MFSD2A: variants seen among roughly 807,000 people sequenced by gnomAD.
MFSD2A encodes the protein sodium-dependent lysophosphatidylcholine symporter 1.
A neutral mutation model predicts 64.7 loss-of-function variants in MFSD2A; 27 were observed. The ratio of observed to expected loss-of-function variants is 0.42; its 90% CI spans 0.31 to 0.58. The LOEUF is 0.58. MFSD2A is among the 20% of genes least tolerant of loss of function. The probability of loss-of-function intolerance (pLI) is 0.18; values close to 1 mark genes in which losing one functional copy is unlikely to be tolerated. For missense variants in MFSD2A, 474 were observed against 679.5 expected (o/e 0.70, Z 3.36); for synonymous variants, 258 against 273.4 (o/e 0.94, Z 0.55).
chr1:39,969,683 A>C lies in MFSD2A; in HGVS notation c.*115A>C. 18 of 1,043,916 alleles carry C rather than the reference A, an allele frequency of 1.7e-5. No individual in the cohort carries two copies. Among genetic ancestry groups the C allele is most frequent in the Non-Finnish European group, 2.5e-5 (18 of 707,388 alleles). 64.7% of individuals were successfully genotyped at this position (1,043,916 alleles called of 1,614,324 possible). On this transcript the variant is annotated 3_prime_UTR_variant, in exon 14 of 14. Transcript: ENST00000372811. ...GTGCTAGGAAGGGAACTGAAGACTC[A>C]AGGAGGTGGCCCAGGACACTTGCTG...
Position 39,955,334 on chromosome 1 carries a change from G to T in MFSD2A, c.42G>T (p.Gly14=). The change falls in exon 1 of 14, where the codon GGG becomes GGT. Residue 14 remains glycine (G), a synonymous_variant. Coordinates refer to ENST00000372811, the MANE Select transcript of MFSD2A (RefSeq NM_032793.5). The surrounding 1 kb of genome is among the most constrained non-coding windows in gnomAD (Gnocchi z 5.9). ...GEGAESGSAA[G]LLPTSILQST... The stretch of plus-strand genomic sequence containing the variant: ...GCGCCGAGAGCGGCTCCGCGGCGGG[G>T]CTGCTACCCACCAGCATCCTCCAAA... 2 of 1,450,040 alleles carry T rather than the reference G, an allele frequency of 1.4e-6. No individual in the cohort carries two copies. The highest frequency in any genetic ancestry group is 1.5e-5 in the African/African-American group (1 of 68,674). 89.8% of individuals were successfully genotyped at this position (1,450,040 alleles called of 1,614,324 possible).
rs1401183468 is a variant in MFSD2A at position 39,960,527 on chromosome 1, C to T, written c.353+1702C>T. Among the ~76,000 whole-genome samples, 5 of 152,246 alleles carry T rather than the reference C, an allele frequency of 3.3e-5. No homozygotes were observed. Among genetic ancestry groups the T allele is most frequent in the Non-Finnish European group, 7.3e-5 (5 of 68,046 alleles). On this transcript the variant is annotated intron_variant, in intron 3 of 13. Coordinates refer to ENST00000372811, the MANE Select transcript of MFSD2A (RefSeq NM_032793.5). This position sits in a 1 kb window ranked among gnomAD's most constrained non-coding sequence, Gnocchi z 4.8. ...CCAGCCCGTGAGACTTGGCCCTGTGCCCGCCTCCCTGGCAGCCAGTAGAAG... is the reference window on the plus strand; with the variant it reads ...CCAGCCCGTGAGACTTGGCCCTGTGTCCGCCTCCCTGGCAGCCAGTAGAAG...
intron 2 of MFSD2A, 70 bp downstream of exon 2, chr1:39,957,291 AG>A: frequency 7.0e-7 from 1 of 1,438,380 alleles, no homozygotes; most frequent in Non-Finnish European, 9.3e-7. Context: ...CCCCTGGGTC[AG>A]TTCGCTCAGT....
At position 39,958,626 on chromosome 1, in the gene MFSD2A, C is replaced by T. The variant is rs187394479; in HGVS notation, c.229-75C>T. The T allele has an allele frequency of 1.1e-3, 1,777 of 1,613,736 alleles. 1 individual carries two copies. The highest frequency in any genetic ancestry group is 1.3e-3 in the Non-Finnish European group (1,581 of 1,179,732). ...CCTGGCTGAGATAGGGAGGGAGCCT[C>T]TGCTTCTGCCTACCAGTGAGAGTTG... is the stretch of plus-strand genomic sequence containing the variant. On this transcript the variant is annotated intron_variant, in intron 2 of 13. Coordinates refer to ENST00000372811, the MANE Select transcript of MFSD2A (RefSeq NM_032793.5). This position sits in a 1 kb window ranked among gnomAD's most constrained non-coding sequence, Gnocchi z 4.7.
At position 39,966,866 on chromosome 1, in the gene MFSD2A, G is replaced by C; in HGVS notation, c.861G>C (p.Leu287=). 1 of 1,613,948 alleles carries C rather than the reference G, an allele frequency of 6.2e-7. No homozygotes were observed. The highest frequency in any genetic ancestry group is 1.1e-5 in the South Asian group (1 of 91,076). ...TCGCCTACTTCCGGGGCCTACGGCT[G>C]GTCATGAGCCACGGCCCATACATCA... ...EPIAYFRGLR[L]VMSHGPYIKL... The change falls in exon 8 of 14, where the codon CTG becomes CTC. Residue 287 remains leucine, a synonymous_variant. Coordinates refer to ENST00000372811, the MANE Select transcript of MFSD2A (RefSeq NM_032793.5).
rs1645128131 is a variant in MFSD2A, at chr1:39,965,132, T to C, written c.354-79T>C. On this transcript the variant is annotated intron_variant, in intron 3 of 13. Transcript: ENST00000372811. The surrounding 1 kb of genome is among the most constrained non-coding windows in gnomAD (Gnocchi z 5.5). ...TTAGCTTCCTTCCCTGTGGGGACCC[T>C]GTGAGGCACAGCAGACTGGGCTGGG... The C allele has an allele frequency of 6.3e-7, 1 of 1,585,842 alleles. No homozygotes were observed. Among genetic ancestry groups the C allele is most frequent in the Non-Finnish European group, 8.6e-7 (1 of 1,162,486 alleles).
intron 13 of MFSD2A, 49 bp from the exon 14 acceptor site, chr1:39,969,456 G>T (rs373713782): frequency 3.7e-5 from 56 of 1,531,310 alleles, no homozygotes; most frequent in Non-Finnish European, 4.8e-5. Flanking sequence ...GGGCTGAGGA[G>T]GGGTAAGGAT....
In MFSD2A at chr1:39,962,972, G is replaced by A. The variant is rs1047126059; in HGVS notation, c.354-2239G>A. The A allele has an allele frequency of 3.4e-5, 52 of 1,541,380 alleles. 3 individuals are homozygous for A. In the South Asian group the frequency reaches 5.4e-4, roughly 16 times the overall value. On this transcript the variant is annotated intron_variant, in intron 3 of 13. Transcript: ENST00000372811. ...ATGGCCATGTCGGTCTGGGTGTTAAGTGCTCCAAGGAGGTGGCCACCGCCA... is the reference window on the plus strand; with the variant it reads ...ATGGCCATGTCGGTCTGGGTGTTAAATGCTCCAAGGAGGTGGCCACCGCCA...
intron 1 of MFSD2A, among the ~76,000 whole-genome samples, chr1:39,956,626 A>G (rs79166236): frequency 0.01 from 1,525 of 152,242 alleles, 35 homozygotes; most frequent in African/African-American, 0.035. Flanking sequence ...CTTAGGGGCT[A>G]CTTTCACACA....
At chr1:39,961,695 A>G (rs1645048357) in intron 3 of MFSD2A, among the ~76,000 whole-genome samples, 1 of 150,982 alleles carries the variant, frequency 6.6e-6, no homozygotes, top group African/African-American at 2.4e-5. Flanking sequence ...ACACATATAT[A>G]GAGATGGGGT....
At chr1:39,969,237 GA>G (rs1645230999) in intron 13 of MFSD2A, among the ~76,000 whole-genome samples, 1 of 152,194 alleles carries the variant, frequency 6.6e-6, no homozygotes, top group Admixed American at 6.5e-5. Flanking sequence ...TGCATCTGGG[GA>G]AACCAGTGGG....
Position 39,965,376 on chromosome 1 carries a change from A to G in MFSD2A, c.477+42A>G. On this transcript the variant is annotated intron_variant, in intron 4 of 13. Coordinates refer to ENST00000372811, the MANE Select transcript of MFSD2A (RefSeq NM_032793.5). The surrounding 1 kb of genome is among the most constrained non-coding windows in gnomAD (Gnocchi z 5.5). ...CCCTTGGGTGTCTCTAGGGGCCGGG[A>G]GGAGGGCGGTCCTTGGGGCCCCCAG... 1 of 1,613,478 alleles carries G rather than the reference A, an allele frequency of 6.2e-7. No individual in the cohort carries two copies. The highest frequency in any genetic ancestry group is 1.3e-5 in the African/African-American group (1 of 74,918).
rs757547777 is a variant in MFSD2A at position 39,957,138 on chromosome 1, T to C, written c.145T>C (p.Tyr49His). 3 of 1,614,122 alleles carry C rather than the reference T, an allele frequency of 1.9e-6. No homozygotes were observed. The highest frequency in any genetic ancestry group is 2.5e-6 in the Non-Finnish European group (3 of 1,180,002). Residue 49 changes from tyrosine (Y) to histidine (H), a missense_variant, in exon 2 of 14, where the codon TAT becomes CAT. Tyr to His is a moderately conservative substitution (Grantham distance 83, BLOSUM62 2). Transcript: ENST00000372811. The part of the protein sequence containing the change: ...QQLSVCNKLC[Y>H]ALGGAPYQVT... ...GTTGTCTGTTTGCAACAAGCTTTGC[T>C]ATGCACTTGGGGGAGCCCCCTACCA...
chr1:39,969,578 C>T lies in MFSD2A; in HGVS notation c.*10C>T, dbSNP rs372966470. ...GGCTAGCATCCTCTAGGGCCCGCCA[C>T]GTTGCCCGAAGCCACCATGCAGAAG... On this transcript the variant is annotated 3_prime_UTR_variant, in exon 14 of 14. Coordinates refer to ENST00000372811, the MANE Select transcript of MFSD2A (RefSeq NM_032793.5). 3.7e-6 allele frequency: 6 copies of T among 1,608,692 alleles called. No individual in the cohort carries two copies. Among genetic ancestry groups the T allele is most frequent in the African/African-American group, 2.7e-5 (2 of 74,512 alleles).
rs752205661 is a variant in MFSD2A, at chr1:39,966,814, C to T, written c.809C>T (p.Pro270Leu). ...CACTGTCCGCTCTGGCCCCCAGAAC[C>T]CTATGAAGCCCAGCAGTCTGAGCCA... is the stretch of plus-strand genomic sequence containing the variant. ...LILGVREQRE[P>L]YEAQQSEPIA... The change falls in exon 8 of 14, where the codon CCC becomes CTC. Residue 270 changes from proline (P) to leucine (L), a missense_variant. Transcript: ENST00000372811. The T allele has an allele frequency of 2.5e-6, 4 of 1,613,940 alleles. No homozygotes were observed. In the African/African-American group the frequency reaches 4.0e-5, roughly 16 times the overall value.
At chr1:39,962,625 G>T in intron 3 of MFSD2A, 3 of 827,314 alleles carry the variant, frequency 3.6e-6, no homozygotes, top group Non-Finnish European at 6.0e-6. Flanking sequence ...TGCCTTCCGC[G>T]GAGGTTTCGG....
Position 39,968,112 on chromosome 1 carries a change from G to C in MFSD2A, c.1208+196G>C. On this transcript the variant is annotated intron_variant, in intron 11 of 13. Coordinates refer to ENST00000372811, the MANE Select transcript of MFSD2A (RefSeq NM_032793.5). This position sits in a 1 kb window ranked among gnomAD's most constrained non-coding sequence, Gnocchi z 4.4. The stretch of plus-strand genomic sequence containing the variant: ...GAACACCTAGTCAGAGTGAAAAATG[G>C]GGGCTGTAATCTGGCCTGGGCTCCA... 1.5e-6 allele frequency: 1 copy of C among 650,880 alleles called. No individual in the cohort carries two copies. Among genetic ancestry groups the C allele is most frequent in the Non-Finnish European group, 2.6e-6 (1 of 382,296 alleles). The allele number at this position is 650,880 out of a possible 1,614,324, so 40.3% of individuals were successfully genotyped here. A position where few individuals can be genotyped will look rare whatever the true frequency, so the allele number is the denominator to read the frequency against.
At chr1:39,961,319 C>T (rs1474201375) in intron 3 of MFSD2A, among the ~76,000 whole-genome samples, 3 of 9,534 alleles carry the variant, frequency 3.1e-4, no homozygotes, top group African/African-American at 9.7e-4. Context: ...CTTTTCTTCC[C>T]GCCCCCGCCC....
intron 3 of MFSD2A, among the ~76,000 whole-genome samples, chr1:39,961,553 T>C (rs535694860): frequency 4.6e-5 from 7 of 151,858 alleles, no homozygotes; most frequent in Non-Finnish European, 7.4e-5. Context: ...TTCACCGTGT[T>C]AGCCAAGATG....
Sources: gnomAD v4.1 joint callset for allele counts (sites outside exome capture counted in the v4.1 genomes callset) on GRCh38, gnomAD v4.1.1 for gene constraint, Gnocchi (gnomAD v3.1) non-coding constraint, MANE v1.5 for transcripts, NCBI Gene and HGNC (gene_info 2026-07-23, HGNC 2026-07-21) for gene names.